The following UBAP2 variants were observed in gnomAD, a reference collection of about 807,000 sequenced individuals.
UBAP2 encodes the protein ubiquitin associated protein 2.
In UBAP2, 75 loss-of-function variants were observed where a neutral mutation model predicts 139.6. That is an observed-to-expected ratio of 0.54 (90% CI 0.45 to 0.65). The LOEUF (loss-of-function observed/expected upper bound fraction) is 0.65, where lower values mean the gene tolerates loss of function less well. Ranked by LOEUF, UBAP2 falls within the 30% of genes least tolerant of loss-of-function variation. The pLI, the probability that UBAP2 is intolerant of heterozygous loss-of-function variation, is 0.00. For missense variants in UBAP2, 1,368 were observed against 1,369.6 expected (o/e 1.00, Z 0.02); for synonymous variants, 526 against 526.2 (o/e 1.00, Z 0.01).
chr9:33,927,644 G>C (rs569820720), intron 20 of UBAP2, among the ~76,000 whole-genome samples, 153 bp downstream of exon 20: 1 of 152,346 alleles, frequency 6.6e-6, no homozygotes, highest in African/African-American at 2.4e-5. Flanking sequence ...ATCCCCATCA[G>C]GGGTGGGGAG....
chr9:33,947,837 AAT>A (rs1436503763), intron 13 of UBAP2, among the ~76,000 whole-genome samples: 1 of 150,534 alleles, frequency 6.6e-6, no homozygotes, highest in East Asian at 2.0e-4. Flanking sequence ...AAAAAAAAAA[AAT>A]AAAATAATAG....
intron 22 of UBAP2, among the ~76,000 whole-genome samples, chr9:33,925,930 T>C (rs1823390224): frequency 6.6e-6 from 1 of 152,160 alleles, no homozygotes; most frequent in Non-Finnish European, 1.5e-5. Context: ...GTCCTGCCCA[T>C]GGGCAGGGCA....
At chr9:34,042,477 CAAA>C (rs10713651) in intron 1 of UBAP2, among the ~76,000 whole-genome samples, 117 of 106,128 alleles carry the variant, frequency 1.1e-3, no homozygotes, top group Admixed American at 2.4e-3. Flanking sequence ...GACTCCGTCT[CAAA>C]AAAAAAAAAA....
At chr9:34,044,090 C>CAAAAAAA in intron 1 of UBAP2, among the ~76,000 whole-genome samples, 1 of 85,194 alleles carries the variant, frequency 1.2e-5, no homozygotes, top group Non-Finnish European at 2.2e-5. Flanking sequence ...AACTCCACCT[C>CAAAAAAA]AAAAAAAAAA....
chr9:34,044,919 T>C (rs895418803), intron 1 of UBAP2, among the ~76,000 whole-genome samples: 5 of 152,120 alleles, frequency 3.3e-5, no homozygotes, highest in Admixed American at 6.6e-5. Flanking sequence ...ATAAAACACC[T>C]ACTCTACTCC....
intron 1 of UBAP2, among the ~76,000 whole-genome samples, chr9:34,023,787 T>C (rs1825164008): frequency 6.6e-6 from 1 of 152,222 alleles, no homozygotes; most frequent in African/African-American, 2.4e-5. Context: ...AGCTCACGCC[T>C]GTAATCCCAG....
intron 10 of UBAP2, among the ~76,000 whole-genome samples, chr9:33,957,238 A>T (rs960415520): frequency 5.9e-5 from 9 of 152,334 alleles, no homozygotes; most frequent in Non-Finnish European, 1.2e-4. Flanking sequence ...TTATTTTTAA[A>T]AAATTAATTT....
At chr9:33,988,932 A>G (rs1215654626) in intron 5 of UBAP2, 41 bp downstream of exon 5, 3 of 1,581,950 alleles carry the variant, frequency 1.9e-6, no homozygotes, top group Non-Finnish European at 8.6e-7. Context: ...GTCACTTGAG[A>G]TGAAAGAAGA....
chr9:34,023,167 A>C (rs1825109365), intron 1 of UBAP2, among the ~76,000 whole-genome samples: 1 of 151,596 alleles, frequency 6.6e-6, no homozygotes, highest in African/African-American at 2.4e-5. Context: ...CAGAGGTTGC[A>C]GTGAGCTGAG....
chr9:34,006,373 G>A (rs559192818), intron 2 of UBAP2, among the ~76,000 whole-genome samples: 9 of 152,138 alleles, frequency 5.9e-5, no homozygotes, highest in South Asian at 2.1e-4. Context: ...AATGCTTTGC[G>A]CAAGAAAAAA....
At chr9:33,960,968 A>C in intron 9 of UBAP2, 90 bp from the exon 10 acceptor site, 1 of 1,272,916 alleles carries the variant, frequency 7.9e-7, no homozygotes, top group South Asian at 1.2e-5. Flanking sequence ...CTATGCGGGG[A>C]AAAAAGATAC....
At chr9:34,002,989 A>G (rs999002712) in intron 2 of UBAP2, among the ~76,000 whole-genome samples, 5 of 151,978 alleles carry the variant, frequency 3.3e-5, no homozygotes, top group South Asian at 4.1e-4. Flanking sequence ...TGCCCGGCCT[A>G]TATCTTTCTT....
At chr9:34,038,252 C>T (rs1826638447) in intron 1 of UBAP2, among the ~76,000 whole-genome samples, 1 of 151,956 alleles carries the variant, frequency 6.6e-6, no homozygotes, top group African/African-American at 2.4e-5. Flanking sequence ...AGTTCAAGAC[C>T]AGCCTGGCCA....
At chr9:33,949,381 G>C (rs1825907099) in intron 12 of UBAP2, among the ~76,000 whole-genome samples, 1 of 152,002 alleles carries the variant, frequency 6.6e-6, no homozygotes, top group South Asian at 2.1e-4. Flanking sequence ...TCAAAGAAGA[G>C]ATCAGTGTGA....
rs559801639 is a variant in UBAP2, at chr9:34,029,881, G to T, written c.-41-12692C>A. ...GGGCACCTGTAATCCCAGCTACTCG[G>T]GAGGCTGAGGCAAGAGAACTGCTTG... On this transcript the variant is annotated intron_variant, in intron 1 of 28. Transcript: ENST00000379238. 1.4e-4 allele frequency among the ~76,000 whole-genome samples: 22 copies of T among 152,066 alleles called. 1 individual carries two copies. The South Asian group carries it at 4.6e-3, about 32-fold the overall frequency.
At chr9:34,038,716 A>G (rs1420537254) in intron 1 of UBAP2, among the ~76,000 whole-genome samples, 2 of 149,960 alleles carry the variant, frequency 1.3e-5, no homozygotes, top group East Asian at 2.0e-4. Flanking sequence ...CCGTCTGGGA[A>G]GTGAGGAGCA....
Position 33,923,423 on chromosome 9 carries a change from G to A in UBAP2, c.2852C>T (p.Pro951Leu), listed in dbSNP as rs991030726. ...GCCATAACCACTGGCCTGCTGGAAG[G>A]GAGGTGTGGGAGTGCTGAGGTTCAC... is the stretch of plus-strand genomic sequence containing the variant. ...HGVNLSTPTP[P>L]FQQASGYGQH... Residue 951 changes from proline (P) to leucine (L), a missense_variant, in exon 25 of 29, where the codon CCC becomes CTC. Coordinates refer to ENST00000379238, the MANE Select transcript of UBAP2 (RefSeq NM_001370062.2). The A allele has an allele frequency of 6.2e-7, 1 of 1,614,004 alleles. No individual in the cohort carries two copies. Among genetic ancestry groups the A allele is most frequent in the Non-Finnish European group, 8.5e-7 (1 of 1,180,014 alleles).
At chr9:33,989,200 TTTC>T (rs1587620239) in intron 4 of UBAP2, 74 bp from the exon 5 acceptor site, 4 of 1,381,464 alleles carry the variant, frequency 2.9e-6, no homozygotes, top group East Asian at 2.7e-5. Context: ...TGCATGTATC[TTTC>T]TTTTTTTTTT....
intron 6 of UBAP2, among the ~76,000 whole-genome samples, chr9:33,983,917 G>A (rs1417254269): frequency 6.6e-6 from 1 of 152,070 alleles, no homozygotes; most frequent in Non-Finnish European, 1.5e-5. Flanking sequence ...GAATCCCTGG[G>A]ATTTTTTTAT....
Sources: allele counts gnomAD v4.1 joint callset (sites outside exome capture counted in the v4.1 genomes callset), GRCh38; gene constraint gnomAD v4.1.1; transcripts MANE v1.5; gene names NCBI Gene and HGNC (gene_info 2026-07-23, HGNC 2026-07-21).